Variants in RBMS3 observed in about 807,000 individuals in gnomAD.
The protein encoded by RBMS3 is RNA-binding motif, single-stranded-interacting protein 3.
A neutral mutation model predicts 66.8 loss-of-function variants in RBMS3; 27 were observed. The ratio of observed to expected loss-of-function variants is 0.40; its 90% confidence interval spans 0.30 to 0.56. The LOEUF is 0.56. Ranked by LOEUF, RBMS3 falls within the 20% of genes least tolerant of loss-of-function variation. The pLI is 0.40. For synonymous variants in RBMS3, 188 were observed against 183.0 expected (o/e 1.03, Z -0.22); for missense variants, 513 against 549.5 (o/e 0.93, Z 0.66).
intron 4 of RBMS3, among the ~76,000 whole-genome samples, chr3:29,731,322 G>A (rs1435154828): frequency 6.6e-6 from 1 of 152,116 alleles, no homozygotes; most frequent in Non-Finnish European, 1.5e-5. Context: ...TGTTCTTAGT[G>A]TTTCTTATCT....
intron 6 of RBMS3, among the ~76,000 whole-genome samples, chr3:29,786,713 T>C (rs1054954287): frequency 2.0e-5 from 3 of 152,106 alleles, no homozygotes; most frequent in Non-Finnish European, 4.4e-5. Context: ...AAGACTTAGA[T>C]ATAAGAGCTG....
At chr3:29,540,890 G>T (rs1411929161) in intron 3 of RBMS3, among the ~76,000 whole-genome samples, 1 of 152,130 alleles carries the variant, frequency 6.6e-6, no homozygotes, top group African/African-American at 2.4e-5. Flanking sequence ...ATTTAACATA[G>T]GGATGGATTT....
intron 4 of RBMS3, among the ~76,000 whole-genome samples, chr3:29,643,260 G>A (rs1403991493): frequency 6.6e-6 from 1 of 151,972 alleles, no homozygotes; most frequent in African/African-American, 2.4e-5. Context: ...TAGTCAGAAT[G>A]GGAGTAATTC....
At chr3:29,940,602 C>G (rs770170290) in intron 11 of RBMS3, among the ~76,000 whole-genome samples, 7 of 151,836 alleles carry the variant, frequency 4.6e-5, no homozygotes, top group Non-Finnish European at 1.0e-4. Flanking sequence ...GCCAAAACCT[C>G]TTTTTCCTTT....
intron 2 of RBMS3, 146 bp downstream of exon 2, chr3:29,435,061 C>T: frequency 1.2e-6 from 1 of 856,506 alleles, no homozygotes; most frequent in South Asian, 2.2e-5. Flanking sequence ...ATTTGAGATT[C>T]AATGCTAGTT....
chr3:29,295,736 C>T (rs190941333), intron 1 of RBMS3, among the ~76,000 whole-genome samples: 51 of 151,678 alleles, frequency 3.4e-4, no homozygotes, highest in African/African-American at 1.2e-3. Flanking sequence ...ATTTGTACCA[C>T]GTTTTATGCA....
chr3:29,653,894 A>G (rs946310214), intron 4 of RBMS3, among the ~76,000 whole-genome samples: 9 of 152,106 alleles, frequency 5.9e-5, no homozygotes, highest in Admixed American at 2.6e-4. Flanking sequence ...GTTAGTCCTC[A>G]ACTCCAAGGT....
chr3:29,449,211 A>G (rs776620653), intron 2 of RBMS3, among the ~76,000 whole-genome samples: 33 of 152,342 alleles, frequency 2.2e-4, no homozygotes, highest in Non-Finnish European at 3.7e-4. Context: ...CAACATACCT[A>G]TAATTTGCAG....
At chr3:29,699,978 T>G (rs555429716) in intron 4 of RBMS3, among the ~76,000 whole-genome samples, 1 of 152,204 alleles carries the variant, frequency 6.6e-6, no homozygotes, top group Non-Finnish European at 1.5e-5. Context: ...CCTTTAAGAC[T>G]GAACAAAGGG....
chr3:29,530,929 C>T (rs1439554035), intron 3 of RBMS3, among the ~76,000 whole-genome samples: 1 of 151,802 alleles, frequency 6.6e-6, no homozygotes, highest in Non-Finnish European at 1.5e-5. Context: ...GGTTTTGTAT[C>T]CATAAACATG....
intron 6 of RBMS3, among the ~76,000 whole-genome samples, chr3:29,830,424 A>C (rs1258857171): frequency 6.6e-6 from 1 of 152,190 alleles, no homozygotes; most frequent in Non-Finnish European, 1.5e-5. Flanking sequence ...TCAATAGATT[A>C]AAACTTATGG....
At chr3:29,385,850 A>G (rs1476978880) in intron 1 of RBMS3, among the ~76,000 whole-genome samples, 2 of 152,112 alleles carry the variant, frequency 1.3e-5, no homozygotes, top group Non-Finnish European at 2.9e-5. Flanking sequence ...GTTTGTTCCT[A>G]TTTTAGCAGC....
chr3:29,882,808 G>A (rs2059768166), intron 7 of RBMS3, among the ~76,000 whole-genome samples: 1 of 151,916 alleles, frequency 6.6e-6, no homozygotes, highest in South Asian at 2.1e-4. Flanking sequence ...AACAGGCAAG[G>A]TATTTTGTTT....
At chr3:29,661,025 C>T (rs554729923) in intron 4 of RBMS3, among the ~76,000 whole-genome samples, 1 of 152,324 alleles carries the variant, frequency 6.6e-6, no homozygotes, top group South Asian at 2.1e-4. Context: ...CCCACTCTGA[C>T]TCTTACTAGC....
At chr3:29,465,574 C>T (rs1387687988) in intron 2 of RBMS3, among the ~76,000 whole-genome samples, 1 of 150,524 alleles carries the variant, frequency 6.6e-6, no homozygotes, top group Admixed American at 6.6e-5. Context: ...ATCTAGTGAG[C>T]CCCTGAGCTG....
intron 6 of RBMS3, among the ~76,000 whole-genome samples, chr3:29,794,913 C>G (rs900962893): frequency 1.3e-5 from 2 of 152,172 alleles, no homozygotes; most frequent in African/African-American, 4.8e-5. Flanking sequence ...GCAGGCCTCC[C>G]TTTAAAAAGC....
At chr3:29,295,379 A>G (rs1210546515) in intron 1 of RBMS3, among the ~76,000 whole-genome samples, 1 of 147,090 alleles carries the variant, frequency 6.8e-6, no homozygotes, top group Non-Finnish European at 1.5e-5. Flanking sequence ...ATATATATAC[A>G]CATATATATA....
chr3:29,737,179 G>T (rs2054419835), intron 4 of RBMS3, among the ~76,000 whole-genome samples: 1 of 152,120 alleles, frequency 6.6e-6, no homozygotes, highest in Non-Finnish European at 1.5e-5. Context: ...GTTTCACCAT[G>T]TTAGCCAGGG....
chr3:29,913,658 A>C (rs2060570714), intron 10 of RBMS3, among the ~76,000 whole-genome samples: 1 of 151,968 alleles, frequency 6.6e-6, no homozygotes, highest in Non-Finnish European at 1.5e-5. Context: ...CTGAATAATA[A>C]CCTTAAAACT....
Sources: allele counts gnomAD v4.1 joint callset (sites outside exome capture counted in the v4.1 genomes callset), GRCh38; gene constraint gnomAD v4.1.1; transcripts MANE v1.5; gene names NCBI Gene and HGNC (gene_info 2026-07-23, HGNC 2026-07-21).